The following RNF214 variants were observed in gnomAD, a reference collection of about 807,000 sequenced individuals.
RNF214 encodes the protein ring finger protein 214.
Under a neutral mutation model 75.9 loss-of-function variants are expected in RNF214, and 25 were observed. The observed-to-expected ratio is 0.33, with a 90% CI of 0.24 to 0.46. The LOEUF (loss-of-function observed/expected upper bound fraction) is 0.46. Among genes scored for constraint, RNF214 ranks in the 20% least tolerant of loss-of-function variants. RNF214 has a pLI of 1.00. For synonymous variants in RNF214, 314 were observed against 308.8 expected, an observed-to-expected ratio of 1.02 and a Z score of -0.18; for missense variants, 725 against 857.5, an observed-to-expected ratio of 0.85 and a Z score of 1.93.
chr11:117,255,903 A>T (rs2033508035), intron 6 of RNF214, among the ~76,000 whole-genome samples: 1 of 152,204 alleles, frequency 6.6e-6, no homozygotes, highest in African/African-American at 2.4e-5. Context: ...TTCCCTGCTT[A>T]AATTTTTTCA....
At chr11:117,265,731 A>T (rs915574142) in intron 6 of RNF214, among the ~76,000 whole-genome samples, 1 of 152,144 alleles carries the variant, frequency 6.6e-6, no homozygotes, top group Non-Finnish European at 1.5e-5. Context: ...TAGTTTTTTT[A>T]AAAAATCAAC....
At chr11:117,234,191 C>A in intron 1 of RNF214, 76 bp from the exon 2 acceptor site, 1 of 1,054,854 alleles carries the variant, frequency 9.5e-7, no homozygotes, top group South Asian at 1.3e-5. Context: ...GTTGTGTGGA[C>A]ATTCTGAGGG....
chr11:117,259,315 G>GT (rs1246952237), intron 6 of RNF214, among the ~76,000 whole-genome samples: 26 of 152,182 alleles, frequency 1.7e-4, no homozygotes, highest in African/African-American at 6.3e-4. Context: ...TCATTCTGCT[G>GT]TTGATGATCA....
At chr11:117,268,935 G>A (rs2033851847) in intron 6 of RNF214, among the ~76,000 whole-genome samples, 1 of 152,206 alleles carries the variant, frequency 6.6e-6, no homozygotes, top group Non-Finnish European at 1.5e-5. Flanking sequence ...TTAACTGACA[G>A]AAGGTAGATT....
intron 1 of RNF214, among the ~76,000 whole-genome samples, chr11:117,233,401 C>T (rs1415751118): frequency 6.6e-6 from 1 of 152,148 alleles, no homozygotes; most frequent in Non-Finnish European, 1.5e-5. Context: ...TACCTATCTG[C>T]CCTATGCGCT....
In RNF214 at chr11:117,238,993, C is replaced by A. The variant is rs770176452; in HGVS notation, c.500C>A (p.Thr167Lys). 1.9e-6 allele frequency: 3 copies of A among 1,614,074 alleles called. No individual in the cohort carries two copies. The highest frequency in any genetic ancestry group is 2.5e-6 in the Non-Finnish European group (3 of 1,180,040). ...ATCCTAAAGGAAGGTAACAGGGACA[C>A]AAGCTTGGATTTCCGACCTGTAGTG... ...TSILKEGNRD[T>K]SLDFRPVVSP... Residue 167 changes from threonine to lysine, a missense_variant, in exon 3 of 15, where the codon ACA becomes AAA. Thr to Lys is a moderately conservative substitution (Grantham distance 78). This residue lies in a region of RNF214 where 362 missense variants were observed against 344.5 expected (regional missense o/e 1.05). Coordinates refer to ENST00000300650, the MANE Select transcript of RNF214 (RefSeq NM_207343.4).
At position 117,285,164 on chromosome 11, in the gene RNF214, G is replaced by A. The variant is rs1480991118; in HGVS notation, c.*13G>A. 1.4e-5 allele frequency: 22 copies of A among 1,592,636 alleles called. No homozygotes were observed. The highest frequency in any genetic ancestry group is 1.8e-5 in the Non-Finnish European group (21 of 1,160,634). ...AACTCTTAAATGACGGACCTGACTG[G>A]GGAGGAAGAAGAAGAGAAACTGATG... On this transcript the variant is annotated 3_prime_UTR_variant, in exon 15 of 15. Transcript: ENST00000300650.
intron 6 of RNF214, among the ~76,000 whole-genome samples, chr11:117,278,290 T>C (rs998160414): frequency 6.6e-6 from 1 of 152,076 alleles, no homozygotes; most frequent in Non-Finnish European, 1.5e-5. Context: ...GGTGACAGAG[T>C]GAGACTCTGT....
chr11:117,247,719 C>T (rs1314818380), intron 6 of RNF214, among the ~76,000 whole-genome samples: 4 of 151,858 alleles, frequency 2.6e-5, no homozygotes, highest in African/African-American at 4.8e-5. Context: ...GGCGTGGCGG[C>T]GTGCACCTGT....
At chr11:117,232,906 T>A (rs1382885451) in intron 1 of RNF214, 180 bp downstream of exon 1, 1 of 31,426 alleles carries the variant, frequency 3.2e-5, no homozygotes, top group Admixed American at 4.7e-4. Flanking sequence ...GGGGGGTGGC[T>A]GGCAGCGGGG....
chr11:117,243,503 A>AT (rs563795351), intron 4 of RNF214, among the ~76,000 whole-genome samples: 2 of 151,922 alleles, frequency 1.3e-5, no homozygotes, highest in South Asian at 4.2e-4. Context: ...TGTTTTAAAA[A>AT]TTTTTTTTCT....
intron 3 of RNF214, 145 bp downstream of exon 3, chr11:117,239,256 T>C: frequency 1.4e-6 from 1 of 701,898 alleles, no homozygotes; most frequent in East Asian, 2.6e-5. Context: ...ACTACTCTCA[T>C]ACAGTGCCAT....
chr11:117,236,670 G>C (rs1018921172), intron 2 of RNF214, among the ~76,000 whole-genome samples: 5 of 152,194 alleles, frequency 3.3e-5, no homozygotes, highest in Non-Finnish European at 5.9e-5. Context: ...CTTCACAACA[G>C]TCCCAGGAGG....
chr11:117,265,768 A>G (rs1435789017), intron 6 of RNF214, among the ~76,000 whole-genome samples: 1 of 152,196 alleles, frequency 6.6e-6, no homozygotes, highest in Non-Finnish European at 1.5e-5. Flanking sequence ...TTGTATACAA[A>G]AACATACTTA....
chr11:117,234,417 G>A (rs746158826), intron 2 of RNF214, 38 bp downstream of exon 2: 6 of 1,461,216 alleles, frequency 4.1e-6, no homozygotes, highest in African/African-American at 2.8e-5. Context: ...ATTCATTTGG[G>A]TAAAGGGTTT....
intron 6 of RNF214, among the ~76,000 whole-genome samples, chr11:117,274,644 C>T (rs954914965): frequency 6.8e-6 from 1 of 147,620 alleles, no homozygotes; most frequent in African/African-American, 2.5e-5. Context: ...TCTGGGATTA[C>T]AGGCGTGAGC....
intron 6 of RNF214, 27 bp downstream of exon 6, chr11:117,246,975 T>C: frequency 6.3e-7 from 1 of 1,581,542 alleles, no homozygotes; most frequent in Non-Finnish European, 8.6e-7. Context: ...ATAAAAACCC[T>C]GTGTGTATGT....
intron 6 of RNF214, among the ~76,000 whole-genome samples, chr11:117,272,435 G>T (rs1216346894): frequency 6.6e-6 from 1 of 151,996 alleles, no homozygotes; most frequent in Non-Finnish European, 1.5e-5. Flanking sequence ...AGGGTCAGTT[G>T]GGGGGGTAGG....
At position 117,282,773 on chromosome 11, in the gene RNF214, C is replaced by T. The variant is rs770997844; in HGVS notation, c.1873C>T (p.Pro625Ser). Residue 625 changes from proline to serine, a missense_variant, in exon 13 of 15, where the codon CCT (proline) becomes TCT (serine). Coordinates refer to ENST00000300650, the MANE Select transcript of RNF214 (RefSeq NM_207343.4). ...QPLGRIRALFPAPLAQISTPM... is the reference protein window; with the variant it reads ...QPLGRIRALFSAPLAQISTPM... ...ACTTGGTCGCATCCGGGCCTTGTTC[C>T]CTGCTCCACTGGCCCAAATCAGTAC... 6.2e-7 allele frequency: 1 copy of T among 1,614,152 alleles called. No homozygotes were observed. Among genetic ancestry groups the T allele is most frequent in the Admixed American group, 1.7e-5 (1 of 60,018 alleles).
Sources: allele counts gnomAD v4.1 joint callset (sites outside exome capture counted in the v4.1 genomes callset), GRCh38; gene constraint gnomAD v4.1.1; regional missense constraint gnomAD v4.1.1; transcripts MANE v1.5; gene names NCBI Gene and HGNC (gene_info 2026-07-23, HGNC 2026-07-21).